Variants in PUDP observed in about 807,000 individuals in gnomAD.
The protein encoded by PUDP is pseudouridine-5'-phosphatase.
In PUDP, 8 loss-of-function variants were observed where a neutral mutation model predicts 9.4. The observed-to-expected ratio is 0.85, with a 90% CI of 0.50 to 1.53. PUDP has a LOEUF of 1.53. PUDP is among the 40% of genes most tolerant of loss of function. The pLI is 0.00. For synonymous variants in PUDP, 99 were observed against 80.7 expected (o/e 1.23, Z -1.22); for missense variants, 188 against 189.7 (o/e 0.99, Z 0.05).
chrX:6,856,298 A>C (rs992312988), intron 3 of PUDP, among the ~76,000 whole-genome samples: 2 of 111,715 alleles, frequency 1.8e-5, no homozygotes, highest in Non-Finnish European at 3.8e-5. Flanking sequence ...ATTTAGAAGT[A>C]ATTAGACTCA....
At chrX:6,978,188 A>G (rs1363211902) in exon 2 of PUDP, among the ~76,000 whole-genome samples, 1 of 112,223 alleles carries the variant, frequency 8.9e-6, no homozygotes, top group African/African-American at 3.2e-5. Flanking sequence ...TGCCTTCTTT[A>G]GTTTTTCAAC....
intron 3 of PUDP, among the ~76,000 whole-genome samples, chrX:6,751,719 A>G (rs1434898200): frequency 2.7e-5 from 3 of 111,470 alleles, no homozygotes; most frequent in Non-Finnish European, 5.6e-5. Flanking sequence ...ATTTCTCCTC[A>G]CTTCTCACCT....
intron 1 of PUDP, among the ~76,000 whole-genome samples, chrX:7,113,964 C>G (rs1229226665): frequency 9.0e-6 from 1 of 111,474 alleles, no homozygotes; most frequent in Non-Finnish European, 1.9e-5. Flanking sequence ...TTTGGGAGGG[C>G]CTTCTTGCTG....
At chrX:6,733,847 G>A (rs1303782927) in intron 3 of PUDP, among the ~76,000 whole-genome samples, 2 of 86,348 alleles carry the variant, frequency 2.3e-5, no homozygotes, top group Non-Finnish European at 4.3e-5. Context: ...ACAGGATCTC[G>A]ACTCACTGCA....
intron 3 of PUDP, among the ~76,000 whole-genome samples, chrX:6,917,237 C>T (rs1927949770): frequency 1.8e-5 from 2 of 110,619 alleles, no homozygotes; most frequent in Non-Finnish European, 3.8e-5. Context: ...CATTGTGGTG[C>T]GTATCTGCAG....
At chrX:7,119,276 T>A (rs1300456904) in intron 1 of PUDP, among the ~76,000 whole-genome samples, 4 of 112,653 alleles carry the variant, frequency 3.6e-5, no homozygotes, top group African/African-American at 1.3e-4. Flanking sequence ...GTTAACACGC[T>A]GTGAGCACTA....
At chrX:6,738,273 G>A (rs1168708253) in intron 3 of PUDP, among the ~76,000 whole-genome samples, 1 of 111,826 alleles carries the variant, frequency 8.9e-6, no homozygotes, top group Non-Finnish European at 1.9e-5. Context: ...AACCATCATG[G>A]ATGATGGGCA....
At chrX:6,951,026 G>C (rs1272909052) in intron 3 of PUDP, among the ~76,000 whole-genome samples, 2 of 110,367 alleles carry the variant, frequency 1.8e-5, no homozygotes, top group East Asian at 5.7e-4. Flanking sequence ...GCAGGACTTT[G>C]GAATGAAACA....
At chrX:6,709,439 A>G (rs58151182) in intron 1 of PUDP, among the ~76,000 whole-genome samples, 8,904 of 111,758 alleles carry the variant, frequency 0.08, 903 homozygotes, top group African/African-American at 0.28. Context: ...GTTAAAGTCC[A>G]GCTTTTAGTC....
chrX:7,094,650 G>A (rs1319002311), intron 2 of PUDP, among the ~76,000 whole-genome samples: 1 of 111,271 alleles, frequency 9.0e-6, no homozygotes, highest in African/African-American at 3.3e-5. Flanking sequence ...ATGAGCCACC[G>A]CGCCTGGCCA....
At chrX:7,051,980 G>A (rs1404134817) in intron 3 of PUDP, among the ~76,000 whole-genome samples, 1 of 111,168 alleles carries the variant, frequency 9.0e-6, no homozygotes, top group Admixed American at 9.5e-5. Context: ...TTGAGGTGGG[G>A]CCTTTCAGCT....
At chrX:6,769,389 G>T (rs991222936) in intron 3 of PUDP, among the ~76,000 whole-genome samples, 1 of 111,726 alleles carries the variant, frequency 9.0e-6, no homozygotes, top group Non-Finnish European at 1.9e-5. Flanking sequence ...TATCAGGTAA[G>T]GTCATTCCAG....
intron 3 of PUDP, among the ~76,000 whole-genome samples, chrX:6,788,580 C>T (rs1222099186): frequency 3.6e-5 from 4 of 111,380 alleles, no homozygotes; most frequent in Non-Finnish European, 7.5e-5. Flanking sequence ...TGGCATGCAC[C>T]TGTAGCCCCA....
At chrX:6,739,634 A>G (rs1158936859) in intron 3 of PUDP, among the ~76,000 whole-genome samples, 1 of 112,060 alleles carries the variant, frequency 8.9e-6, no homozygotes, top group Non-Finnish European at 1.9e-5. Flanking sequence ...CAATAGTGTC[A>G]AGGCTGAGAA....
chrX:6,751,024 C>T (rs904606098), intron 3 of PUDP, among the ~76,000 whole-genome samples: 25 of 109,795 alleles, frequency 2.3e-4, no homozygotes, highest in Non-Finnish European at 3.4e-4. Context: ...CGCCTGTAGT[C>T]CCAGCTACTC....
chrX:6,955,085 A>G (rs1928607952), intron 3 of PUDP, among the ~76,000 whole-genome samples: 1 of 112,265 alleles, frequency 8.9e-6, no homozygotes, highest in Non-Finnish European at 1.9e-5. Flanking sequence ...CAATCCTACC[A>G]GGCTTGACAT....
intron 3 of PUDP, among the ~76,000 whole-genome samples, chrX:6,777,433 C>T (rs752793156): frequency 4.5e-5 from 5 of 111,683 alleles, no homozygotes; most frequent in Non-Finnish European, 7.5e-5. Context: ...TGCTTTGAGC[C>T]GTGGCTTTCA....
chrX:6,761,000 T>A (rs1487244416), intron 3 of PUDP, among the ~76,000 whole-genome samples: 1 of 101,955 alleles, frequency 9.8e-6, no homozygotes, highest in Admixed American at 1.1e-4. Flanking sequence ...ACTGATTAGC[T>A]GTATGATCAA....
chrX:6,721,719 G>T (rs5948739), upstream of PUDP, among the ~76,000 whole-genome samples: 2 of 111,431 alleles, frequency 1.8e-5, no homozygotes, highest in African/African-American at 6.6e-5. Context: ...TAAAGGGAAG[G>T]TTCAATATCT....
Sources: gnomAD v4.1 joint callset for allele counts (sites outside exome capture counted in the v4.1 genomes callset) on GRCh38, gnomAD v4.1.1 for gene constraint, MANE v1.5 for transcripts, NCBI Gene and HGNC (gene_info 2026-07-23, HGNC 2026-07-21) for gene names.